Variants in SYN3 observed in about 807,000 individuals in gnomAD.
SYN3 encodes the protein synapsin III, also known as synapsin-3.
SYN3 carries 35 observed loss-of-function variants against 65.8 expected under a neutral mutation model. That is an observed-to-expected ratio of 0.53 (90% CI 0.41 to 0.70). The LOEUF is 0.70. Ranked by LOEUF, SYN3 falls within the 30% of genes least tolerant of loss-of-function variation. The pLI is 0.00. For missense variants in SYN3, 680 were observed against 749.0 expected (o/e 0.91, Z 1.08); for synonymous variants, 270 against 292.9 (o/e 0.92, Z 0.80).
chr22:32,541,607 C>T lies in SYN3; in HGVS notation c.881G>A (p.Arg294His), dbSNP rs758941248. The change falls in exon 8 of 14, where the codon CGC becomes CAC. Residue 294 changes from arginine (R) to histidine (H), a missense_variant. By Grantham distance (29) the Arg-to-His change is conservative (BLOSUM62 0). Coordinates refer to ENST00000358763, the MANE Select transcript of SYN3 (RefSeq NM_003490.4). ...EAFIDSKYDI[R>H]IQKIGSNYKA... ...GTAGTTGGATCCAATTTTCTGGATG[C>T]GGATGTCGTACTTGGAGTCGATGAA... is the stretch of plus-strand genomic sequence containing the variant. 7.4e-6 allele frequency: 12 copies of T among 1,613,964 alleles called. No individual in the cohort carries two copies. Among genetic ancestry groups the T allele is most frequent in the South Asian group, 5.5e-5 (5 of 91,042 alleles).
chr22:32,884,873 C>CA (rs1485112196), intron 4 of SYN3, among the ~76,000 whole-genome samples: 4 of 150,912 alleles, frequency 2.7e-5, no homozygotes, highest in Middle Eastern at 3.2e-3. Flanking sequence ...GAGACTGTCT[C>CA]AAAAAAAAGA....
chr22:33,042,305 G>A (rs1042065058), intron 1 of SYN3, among the ~76,000 whole-genome samples: 2 of 152,170 alleles, frequency 1.3e-5, no homozygotes, highest in Non-Finnish European at 2.9e-5. Flanking sequence ...ATAAAAGTGT[G>A]GGGGTCAGGG....
chr22:32,610,362 T>C (rs1360077737), intron 6 of SYN3, among the ~76,000 whole-genome samples: 2 of 152,046 alleles, frequency 1.3e-5, no homozygotes, highest in Non-Finnish European at 2.9e-5. Context: ...ACACTACCTA[T>C]GTTTAGAACG....
chr22:32,916,899 G>C (rs2050200467), intron 4 of SYN3, among the ~76,000 whole-genome samples: 2 of 152,174 alleles, frequency 1.3e-5, no homozygotes. Context: ...TGTAAATGGA[G>C]CACTCCATCC....
At chr22:32,616,209 G>A (rs1477702155) in intron 6 of SYN3, among the ~76,000 whole-genome samples, 1 of 152,188 alleles carries the variant, frequency 6.6e-6, no homozygotes, top group African/African-American at 2.4e-5. Flanking sequence ...GGAGGTGGGG[G>A]GCAGGAGGTG....
At chr22:32,617,108 T>C (rs2059531431) in intron 6 of SYN3, among the ~76,000 whole-genome samples, 2 of 152,168 alleles carry the variant, frequency 1.3e-5, no homozygotes, top group South Asian at 4.1e-4. Context: ...AGACATACAA[T>C]CACTACGCCG....
chr22:32,678,886 A>C (rs1215323956), intron 6 of SYN3, among the ~76,000 whole-genome samples: 1 of 152,090 alleles, frequency 6.6e-6, no homozygotes, highest in Non-Finnish European at 1.5e-5. Flanking sequence ...TATAAGGGGA[A>C]TCATGTAGTG....
intron 6 of SYN3, among the ~76,000 whole-genome samples, chr22:32,779,650 C>T (rs2045985805): frequency 6.6e-6 from 1 of 152,120 alleles, no homozygotes; most frequent in South Asian, 2.1e-4. Context: ...ATGACTTACC[C>T]AGGGGCACTC....
Position 32,763,658 on chromosome 22 carries a change from G to T in SYN3, c.711+101257C>A, listed in dbSNP as rs941541015. Among the ~76,000 whole-genome samples the T allele has an allele frequency of 3.9e-5, 6 of 152,210 alleles. 1 individual carries two copies. Among genetic ancestry groups the T allele is most frequent in the African/African-American group, 1.4e-4 (6 of 41,466 alleles). The stretch of plus-strand genomic sequence containing the variant: ...GGGCAATCCAGTATATCGAGATGGA[G>T]AGTGTCTGGAGTGACTGGGAGTCTG... On this transcript the variant is annotated intron_variant, in intron 6 of 13. Transcript: ENST00000358763.
chr22:32,827,376 C>T (rs1374565052), intron 6 of SYN3, among the ~76,000 whole-genome samples: 6 of 152,234 alleles, frequency 3.9e-5, no homozygotes, highest in East Asian at 1.9e-4. Context: ...CACCCTACCC[C>T]GTTTCCTTGA....
rs902184385 is a variant in SYN3, at chr22:32,651,083, G to T, written c.712-54347C>A. ...TTGGAGATCTTGGCCAACTGTGAGG[G>T]GTCTGAGGAGTAGAGATGGAAGAGC... On this transcript the variant is annotated intron_variant, in intron 6 of 13. Transcript: ENST00000358763. Among the ~76,000 whole-genome samples, 20 of 152,192 alleles carry T rather than the reference G, an allele frequency of 1.3e-4. No homozygotes were observed. In the South Asian group the frequency reaches 3.7e-3, roughly 28 times the overall value.
At chr22:32,692,551 C>T (rs1295218704) in intron 6 of SYN3, among the ~76,000 whole-genome samples, 1 of 152,202 alleles carries the variant, frequency 6.6e-6, no homozygotes, top group Non-Finnish European at 1.5e-5. Context: ...CTCCAACCAC[C>T]CTGGAGGCCT....
At chr22:32,689,644 T>C (rs1282523935) in intron 6 of SYN3, among the ~76,000 whole-genome samples, 4 of 152,186 alleles carry the variant, frequency 2.6e-5, no homozygotes, top group Non-Finnish European at 4.4e-5. Context: ...TTCTTAGTGT[T>C]TTTTAATAGT....
intron 6 of SYN3, among the ~76,000 whole-genome samples, chr22:32,625,908 C>T (rs749605689): frequency 5.3e-5 from 8 of 152,092 alleles, no homozygotes; most frequent in African/African-American, 1.9e-4. Flanking sequence ...ATAAAGATAT[C>T]GATAACCGTA....
rs546314045 is a variant in SYN3, at chr22:32,920,217, G to A, written c.461+11173C>T. Reference sequence around the variant, plus strand: ...ATGCTGGAAACTGAGAGCAGAACTTGCGTAATTAGATTGGGGTCTCATTAA... The same window carrying A: ...ATGCTGGAAACTGAGAGCAGAACTTACGTAATTAGATTGGGGTCTCATTAA... On this transcript the variant is annotated intron_variant, in intron 4 of 13. Coordinates refer to ENST00000358763, the MANE Select transcript of SYN3 (RefSeq NM_003490.4). 2.6e-5 allele frequency among the ~76,000 whole-genome samples: 4 copies of A among 152,304 alleles called. No individual in the cohort carries two copies. The South Asian group carries it at 8.3e-4, about 32-fold the overall frequency.
intron 6 of SYN3, among the ~76,000 whole-genome samples, chr22:32,662,121 G>A (rs1195618701): frequency 6.6e-6 from 1 of 152,124 alleles, no homozygotes; most frequent in African/African-American, 2.4e-5. Context: ...CATCTGATTG[G>A]TCATCTCTGT....
At chr22:32,668,158 G>A (rs899551363) in intron 6 of SYN3, among the ~76,000 whole-genome samples, 1 of 152,166 alleles carries the variant, frequency 6.6e-6, no homozygotes, top group Admixed American at 6.5e-5. Flanking sequence ...TTACCACAAG[G>A]AGTGATATAA....
chr22:32,756,546 G>A (rs78281801), intron 6 of SYN3, among the ~76,000 whole-genome samples: 312 of 152,280 alleles, frequency 2.0e-3, no homozygotes, highest in African/African-American at 7.1e-3. Context: ...CAAATCTCAC[G>A]TTGAGATGTA....
At chr22:32,951,797 C>T (rs2051298405) in intron 3 of SYN3, among the ~76,000 whole-genome samples, 1 of 152,160 alleles carries the variant, frequency 6.6e-6, no homozygotes, top group African/African-American at 2.4e-5. Flanking sequence ...TGGGCCAGCT[C>T]GGACTCAGTT....
Sources: gnomAD v4.1 joint callset for allele counts (sites outside exome capture counted in the v4.1 genomes callset) on GRCh38, gnomAD v4.1.1 for gene constraint, MANE v1.5 for transcripts, NCBI Gene and HGNC (gene_info 2026-07-23, HGNC 2026-07-21) for gene names.